The following ZYG11A variants were observed in gnomAD, a reference collection of about 807,000 sequenced individuals.
ZYG11A encodes the protein protein zyg-11 homolog A.
ZYG11A carries 62 observed loss-of-function variants against 77.2 expected under a neutral mutation model. That is an observed-to-expected ratio of 0.80 (90% CI 0.65 to 0.99). The LOEUF is 0.99. ZYG11A is among the 50% of genes least tolerant of loss of function. The probability of loss-of-function intolerance (pLI) is 0.00; values close to 1 mark genes in which losing one functional copy is unlikely to be tolerated. For missense variants in ZYG11A, 828 were observed against 896.8 expected (o/e 0.92, Z 0.98); for synonymous variants, 315 against 324.6 (o/e 0.97, Z 0.32).
intron 8 of ZYG11A, among the ~76,000 whole-genome samples, chr1:52,872,726 C>CA (rs1289122032): frequency 6.7e-6 from 1 of 150,196 alleles, no homozygotes; most frequent in Admixed American, 6.6e-5. Flanking sequence ...ATTAAAAATA[C>CA]AAAAAAATTA....
chr1:52,849,005 C>T (rs1211574106), intron 1 of ZYG11A, among the ~76,000 whole-genome samples: 1 of 152,118 alleles, frequency 6.6e-6, no homozygotes, highest in African/African-American at 2.4e-5. Context: ...AAGTATAAGA[C>T]GTTGTCCTTA....
chr1:52,858,378 A>C (rs1645858282), intron 3 of ZYG11A, among the ~76,000 whole-genome samples: 1 of 144,852 alleles, frequency 6.9e-6, no homozygotes, highest in Non-Finnish European at 1.5e-5. Flanking sequence ...ACGCAGTCTC[A>C]AAAAAAAAAG....
chr1:52,858,498 T>C (rs1312076392), intron 3 of ZYG11A, among the ~76,000 whole-genome samples: 1 of 147,410 alleles, frequency 6.8e-6, no homozygotes, highest in African/African-American at 2.5e-5. Flanking sequence ...AGAGACGGGG[T>C]TTCACCATGT....
At position 52,892,970 on chromosome 1, in the gene ZYG11A, T is replaced by C; in HGVS notation, c.*13T>C. On this transcript the variant is annotated 3_prime_UTR_variant, in exon 14 of 14. Transcript: ENST00000371528. ...AATGCCCTTCTGAACCTAAGGAATT[T>C]CAGAGGTGTGTGCTCTTCCTCAATG... 1 of 1,549,754 alleles carries C rather than the reference T, an allele frequency of 6.5e-7. No individual in the cohort carries two copies. Among genetic ancestry groups the C allele is most frequent in the Non-Finnish European group, 8.7e-7 (1 of 1,145,798 alleles).
chr1:52,858,606 G>GATT (rs903001475), intron 3 of ZYG11A, among the ~76,000 whole-genome samples: 1 of 148,450 alleles, frequency 6.7e-6, no homozygotes, highest in Non-Finnish European at 1.5e-5. Context: ...CGCCCGGCCC[G>GATT]ATTATTATTA....
chr1:52,859,002 T>C (rs1348823361), intron 3 of ZYG11A, among the ~76,000 whole-genome samples: 1 of 152,176 alleles, frequency 6.6e-6, no homozygotes, highest in Non-Finnish European at 1.5e-5. Flanking sequence ...ATTTGTATAC[T>C]CATTAGTTGT....
chr1:52,857,868 A>G, intron 3 of ZYG11A, 119 bp downstream of exon 3: 2 of 783,802 alleles, frequency 2.6e-6, no homozygotes, highest in Non-Finnish European at 3.8e-6. Flanking sequence ...AAATCCTTAA[A>G]GAGCTTTTTT....
chr1:52,864,268 CAG>C, intron 5 of ZYG11A, 111 bp downstream of exon 5: 1 of 1,114,868 alleles, frequency 9.0e-7, no homozygotes, highest in Non-Finnish European at 1.3e-6. Context: ...TTTTTAAAGA[CAG>C]AGTCTCTCTC....
intron 8 of ZYG11A, 25 bp from the exon 9 acceptor site, chr1:52,877,657 C>G (rs1207220470): frequency 6.5e-7 from 1 of 1,535,028 alleles, no homozygotes; most frequent in Non-Finnish European, 8.8e-7. Flanking sequence ...GCATCTAACT[C>G]CCTCCCTGTC....
chr1:52,847,154 C>T (rs1446555304), intron 1 of ZYG11A, among the ~76,000 whole-genome samples: 1 of 152,106 alleles, frequency 6.6e-6, no homozygotes, highest in Admixed American at 6.6e-5. Context: ...GCAGCCTCCG[C>T]CTCCCAGGTT....
At chr1:52,873,865 T>A (rs1646213842) in intron 8 of ZYG11A, among the ~76,000 whole-genome samples, 1 of 151,776 alleles carries the variant, frequency 6.6e-6, no homozygotes, top group African/African-American at 2.4e-5. Flanking sequence ...GCGCCTGTAG[T>A]CCCAGCTACT....
intron 1 of ZYG11A, 67 bp from the exon 2 acceptor site, chr1:52,854,398 G>T: frequency 1.4e-6 from 2 of 1,418,964 alleles, no homozygotes; most frequent in South Asian, 3.1e-5. Flanking sequence ...GGTATGGCAT[G>T]ACCAGTTTTA....
intron 5 of ZYG11A, among the ~76,000 whole-genome samples, chr1:52,864,476 C>T (rs1006931756): frequency 2.0e-5 from 3 of 152,052 alleles, no homozygotes; most frequent in African/African-American, 7.2e-5. Flanking sequence ...GAACTCCTGG[C>T]CTCATGAGCC....
chr1:52,857,448 A>G lies in ZYG11A; in HGVS notation c.707A>G (p.His236Arg). ...CKDRLKSLTM[H>R]YLKCLAMTKS... is the part of the protein sequence containing the mutation. Reference sequence around the variant, plus strand: ...GATCGATTGAAGTCTCTCACAATGCACTATCTGAAATGCCTGGCCATGACC... The same window carrying G: ...GATCGATTGAAGTCTCTCACAATGCGCTATCTGAAATGCCTGGCCATGACC... The change falls in exon 3 of 14, where the codon CAC becomes CGC. Residue 236 changes from histidine to arginine, a missense_variant. Physicochemically the swap from His to Arg is conservative, Grantham distance 29 (BLOSUM62 0). Transcript: ENST00000371528. 6.4e-7 allele frequency: 1 copy of G among 1,552,176 alleles called. No homozygotes were observed. Among genetic ancestry groups the G allele is most frequent in the Non-Finnish European group, 8.7e-7 (1 of 1,147,100 alleles).
intron 8 of ZYG11A, among the ~76,000 whole-genome samples, chr1:52,870,458 C>T (rs1267983453): frequency 3.3e-5 from 5 of 151,658 alleles, no homozygotes; most frequent in African/African-American, 9.7e-5. Flanking sequence ...CCAGACAGGG[C>T]GGCGGCCGGG....
chr1:52,847,857 T>TTTATTTATTTAG (rs1645625129), intron 1 of ZYG11A, among the ~76,000 whole-genome samples: 1 of 96,458 alleles, frequency 1.0e-5, no homozygotes, highest in Non-Finnish European at 2.6e-5. Context: ...TATTTATTTA[T>TTTATTTATTTAG]TTATTTATTT....
At chr1:52,860,679 T>C (rs1645910573) in intron 3 of ZYG11A, 52 bp from the exon 4 acceptor site, 1 of 1,537,572 alleles carries the variant, frequency 6.5e-7, no homozygotes, top group Admixed American at 2.1e-5. Flanking sequence ...TAAAAATGAA[T>C]GGTGAAAAAA....
At position 52,894,246 on chromosome 1, in the gene ZYG11A, T is replaced by C. The variant is rs1291804117; in HGVS notation, c.*1289T>C. On this transcript the variant is annotated 3_prime_UTR_variant, in exon 14 of 14. Coordinates refer to ENST00000371528, the MANE Select transcript of ZYG11A (RefSeq NM_001004339.3). ...CAGTGTTTAGATGAAAGATTACATG[T>C]AATGATAAATCTGAATCCCTCCATT... 2 of 152,324 alleles carry C rather than the reference T, an allele frequency of 1.3e-5. No individual in the cohort carries two copies. Among genetic ancestry groups the C allele is most frequent in the African/African-American group, 2.4e-5 (1 of 41,576 alleles). The allele number at this position is 152,324 out of a possible 1,614,324, so 9.4% of individuals were successfully genotyped here.
rs547883597 is a variant in ZYG11A at position 52,860,101 on chromosome 1, C to T, written c.1009-630C>T. Among the ~76,000 whole-genome samples the T allele has an allele frequency of 1.4e-4, 21 of 152,290 alleles. No homozygotes were observed. The South Asian group carries it at 4.1e-3, about 30-fold the overall frequency. ...AGGTTCTTTGTATTTCCATATAAAT[C>T]ATAAAAGCAACTTGTCAATATCTAC... On this transcript the variant is annotated intron_variant, in intron 3 of 13. Transcript: ENST00000371528.
Sources: allele counts gnomAD v4.1 joint callset (sites outside exome capture counted in the v4.1 genomes callset), GRCh38; gene constraint gnomAD v4.1.1; transcripts MANE v1.5; gene names NCBI Gene and HGNC (gene_info 2026-07-23, HGNC 2026-07-21).